The following MCC variants were observed in gnomAD, a reference collection of about 807,000 sequenced individuals.
The protein encoded by MCC is MCC regulator of Wnt signaling pathway, also known as colorectal mutant cancer protein.
MCC carries 90 observed loss-of-function variants against 116.2 expected under a neutral mutation model. That is an observed-to-expected ratio of 0.77 (90% CI 0.65 to 0.92). MCC has a LOEUF of 0.92. Among genes scored for constraint, MCC ranks in the 40% least tolerant of loss-of-function variants. The probability of loss-of-function intolerance (pLI) is 0.00; values close to 1 mark genes in which losing one functional copy is unlikely to be tolerated. For missense variants in MCC, 1,516 were observed against 1,312.2 expected, an observed-to-expected ratio of 1.16 and a Z score of -2.40; for synonymous variants, 578 against 510.5, an observed-to-expected ratio of 1.13 and a Z score of -1.78.
chr5:113,292,125 G>A (rs534392237), intron 3 of MCC, among the ~76,000 whole-genome samples: 362 of 152,162 alleles, frequency 2.4e-3, no homozygotes, highest in Non-Finnish European at 3.1e-3. Flanking sequence ...CCAGCTACTC[G>A]GGAGACTGAG....
chr5:113,030,252 G>T (rs1411781328), intron 17 of MCC, among the ~76,000 whole-genome samples: 1 of 152,158 alleles, frequency 6.6e-6, no homozygotes, highest in East Asian at 1.9e-4. Flanking sequence ...GGTTCCTAAA[G>T]ATACATCACT....
intron 3 of MCC, among the ~76,000 whole-genome samples, chr5:113,212,484 G>C (rs140871118): frequency 6.6e-6 from 1 of 151,922 alleles, no homozygotes; most frequent in Non-Finnish European, 1.5e-5. Context: ...GAAAAAAAAA[G>C]ATCTCACGTT....
intron 1 of MCC, among the ~76,000 whole-genome samples, chr5:113,385,503 G>C (rs556124662): frequency 2.0e-5 from 3 of 152,172 alleles, no homozygotes; most frequent in African/African-American, 7.2e-5. Context: ...TTGAAATTGA[G>C]GATTATAAAG....
rs527915409 is a variant in MCC at position 113,110,343 on chromosome 5, T to A, written c.1028-5988A>T. Among the ~76,000 whole-genome samples the A allele has an allele frequency of 3.4e-4, 52 of 152,336 alleles. No homozygotes were observed. In the Middle Eastern group the frequency reaches 0.02, roughly 60 times the overall value. On this transcript the variant is annotated intron_variant, in intron 6 of 18. Transcript: ENST00000408903. The stretch of plus-strand genomic sequence containing the variant: ...ACAGCAGAGGGCTGACTCCTCCAGC[T>A]AGCCTTGAGCATCCTGGCATCCTCA...
chr5:113,115,220 C>T (rs1757328898), intron 6 of MCC, among the ~76,000 whole-genome samples: 1 of 152,164 alleles, frequency 6.6e-6, no homozygotes, highest in South Asian at 2.1e-4. Flanking sequence ...GGGTTGAGAG[C>T]TGCAGCCTGA....
intron 2 of MCC, among the ~76,000 whole-genome samples, chr5:113,342,054 T>C (rs1274511417): frequency 6.6e-6 from 1 of 151,284 alleles, no homozygotes; most frequent in Non-Finnish European, 1.5e-5. Context: ...TGAGTCATCA[T>C]AGCTTAGCTC....
At chr5:113,074,845 G>A (rs911585706) in intron 11 of MCC, among the ~76,000 whole-genome samples, 2 of 152,236 alleles carry the variant, frequency 1.3e-5, no homozygotes, top group African/African-American at 2.4e-5. Context: ...AGAAAAATGA[G>A]TAAAAAGAAA....
intron 3 of MCC, among the ~76,000 whole-genome samples, chr5:113,241,579 GCCTTAAC>G (rs1196162851): frequency 6.6e-6 from 1 of 152,216 alleles, no homozygotes; most frequent in African/African-American, 2.4e-5. Context: ...CCAGGTCTCT[GCCTTAAC>G]CCTTCACACA....
At chr5:113,032,218 C>T (rs1029125245) in intron 17 of MCC, among the ~76,000 whole-genome samples, 3 of 152,148 alleles carry the variant, frequency 2.0e-5, no homozygotes, top group African/African-American at 4.8e-5. Context: ...CAAGACCAGC[C>T]TGACCAACAT....
At position 113,087,584 on chromosome 5, in the gene MCC, C is replaced by G. The variant is rs371635797; in HGVS notation, c.1399-2274G>C. Reference sequence around the variant, plus strand: ...TTTCCTCAGGGACTGGGGGAAACCTCCCGGTGGAGACTTGCAACCTCCGGT... The same window carrying G: ...TTTCCTCAGGGACTGGGGGAAACCTGCCGGTGGAGACTTGCAACCTCCGGT... On this transcript the variant is annotated intron_variant, in intron 8 of 18. Transcript: ENST00000408903. 3.9e-5 allele frequency among the ~76,000 whole-genome samples: 6 copies of G among 152,122 alleles called. No individual in the cohort carries two copies. In the South Asian group the frequency reaches 8.3e-4, roughly 21 times the overall value.
At chr5:113,081,224 C>A (rs981703460) in intron 11 of MCC, among the ~76,000 whole-genome samples, 1 of 152,152 alleles carries the variant, frequency 6.6e-6, no homozygotes, top group Admixed American at 6.5e-5. Context: ...GCTAGGATCA[C>A]AGAGATGACA....
chr5:113,478,555 G>A (rs1772292816), intron 1 of MCC, among the ~76,000 whole-genome samples: 1 of 152,160 alleles, frequency 6.6e-6, no homozygotes, highest in African/African-American at 2.4e-5. Context: ...CTGGGGAGAG[G>A]AGTCAGGAAT....
intron 8 of MCC, among the ~76,000 whole-genome samples, chr5:113,101,072 T>C (rs960004260): frequency 1.3e-5 from 2 of 152,128 alleles, no homozygotes; most frequent in African/African-American, 4.8e-5. Context: ...CCTGAAACAT[T>C]AGCTCCTTCA....
At chr5:113,237,143 C>T (rs13355627) in intron 3 of MCC, among the ~76,000 whole-genome samples, 23,437 of 152,026 alleles carry the variant, frequency 0.15, 3,331 homozygotes, top group African/African-American at 0.38. Context: ...TAAATCATGG[C>T]GTATACAATC....
intron 2 of MCC, among the ~76,000 whole-genome samples, chr5:113,341,989 C>G (rs1295604476): frequency 6.6e-6 from 1 of 150,834 alleles, no homozygotes; most frequent in African/African-American, 2.4e-5. Context: ...CCCTCACCCC[C>G]CCACTCACAC....
At chr5:113,145,282 T>C (rs1759429303) in intron 4 of MCC, among the ~76,000 whole-genome samples, 1 of 152,172 alleles carries the variant, frequency 6.6e-6, no homozygotes, top group Non-Finnish European at 1.5e-5. Flanking sequence ...TTCCAGATCT[T>C]AGTGTGACTG....
intron 3 of MCC, among the ~76,000 whole-genome samples, chr5:113,275,704 G>A (rs1765794704): frequency 6.6e-6 from 1 of 152,034 alleles, no homozygotes; most frequent in African/African-American, 2.4e-5. Flanking sequence ...TATTTACATA[G>A]CATTCACACT....
At chr5:113,404,546 T>C (rs1229086691) in intron 1 of MCC, among the ~76,000 whole-genome samples, 1 of 152,202 alleles carries the variant, frequency 6.6e-6, no homozygotes, top group African/African-American at 2.4e-5. Flanking sequence ...TGGCAGTCTT[T>C]GTCAAAATCA....
intron 1 of MCC, among the ~76,000 whole-genome samples, chr5:113,421,201 T>C (rs529000982): frequency 6.6e-6 from 1 of 152,084 alleles, no homozygotes; most frequent in African/African-American, 2.4e-5. Context: ...ATTTTTGTAT[T>C]TTTTAGTAGA....
Sources: allele counts gnomAD v4.1 joint callset (sites outside exome capture counted in the v4.1 genomes callset), GRCh38; gene constraint gnomAD v4.1.1; transcripts MANE v1.5; gene names NCBI Gene and HGNC (gene_info 2026-07-23, HGNC 2026-07-21).